The following ITSN2 variants were observed in gnomAD, a reference collection of about 807,000 sequenced individuals.
ITSN2 encodes the protein intersectin 2, also known as intersectin-2.
ITSN2 carries 156 observed loss-of-function variants against 243.7 expected under a neutral mutation model. The ratio of observed to expected loss-of-function variants is 0.64; its 90% CI spans 0.56 to 0.73. The LOEUF (loss-of-function observed/expected upper bound fraction) is 0.73. ITSN2 is among the 30% of genes least tolerant of loss of function. ITSN2 has a pLI of 0.00. For missense variants in ITSN2, 1,801 were observed against 1,996.1 expected (o/e 0.90, Z 1.86); for synonymous variants, 703 against 699.9 (o/e 1.00, Z -0.07).
At chr2:24,331,759 C>A (rs1349193469) in intron 1 of ITSN2, among the ~76,000 whole-genome samples, 1 of 152,196 alleles carries the variant, frequency 6.6e-6, no homozygotes, top group Non-Finnish European at 1.5e-5. Context: ...CGGCACCTGT[C>A]AAAAGAGCAG....
intron 8 of ITSN2, among the ~76,000 whole-genome samples, chr2:24,307,949 T>C (rs1314342553): frequency 6.6e-6 from 1 of 152,242 alleles, no homozygotes; most frequent in Admixed American, 6.5e-5. Flanking sequence ...TCTATGTTCC[T>C]TAGCACTTAA....
rs779165909 is a variant in ITSN2 at position 24,205,268 on chromosome 2, G to A, written c.4708C>T (p.Arg1570Cys). Residue 1570 changes from arginine to cysteine, a missense_variant, in exon 38 of 40, where the codon CGC becomes TGC. Physicochemically the swap from Arg to Cys is radical, Grantham distance 180. Around this residue, in one of 5 missense-constraint regions of ITSN2, gnomAD observed 928 missense variants for 1,065.4 expected, o/e 0.87. Coordinates refer to ENST00000355123, the MANE Select transcript of ITSN2 (RefSeq NM_006277.3). The part of the protein sequence containing the change: ...ARSQKTSGIG[R>C]LMVHVIEATE... The stretch of plus-strand genomic sequence containing the variant: ...GCTTCAATGACATGCACCATCAGGC[G>A]CCCAATGCCTGAAGTCTTTTGGGAG... 54 of 1,613,730 alleles carry A rather than the reference G, an allele frequency of 3.3e-5. No homozygotes were observed. Among genetic ancestry groups the A allele is most frequent in the East Asian group, 1.8e-4 (8 of 44,890 alleles).
chr2:24,312,467 T>C, intron 4 of ITSN2, 92 bp from the exon 5 acceptor site: 2 of 868,436 alleles, frequency 2.3e-6, no homozygotes, highest in Admixed American at 2.6e-5. Flanking sequence ...AAAATGATGA[T>C]ATGGCATTCA....
At chr2:24,302,229 A>G (rs573422962) in intron 9 of ITSN2, 127 bp from the exon 10 acceptor site, 1 of 465,262 alleles carries the variant, frequency 2.1e-6, no homozygotes, top group Non-Finnish European at 3.2e-6. Context: ...GATGGAGTCT[A>G]GCTCTGTCGC....
At chr2:24,259,214 C>T (rs543648958) in intron 22 of ITSN2, among the ~76,000 whole-genome samples, 3 of 152,314 alleles carry the variant, frequency 2.0e-5, no homozygotes, top group East Asian at 1.9e-4. Flanking sequence ...TGGTTGCTCA[C>T]GCTAAAGACT....
chr2:24,221,974 T>C (rs193121148), intron 29 of ITSN2, among the ~76,000 whole-genome samples: 366 of 152,218 alleles, frequency 2.4e-3, no homozygotes, highest in Non-Finnish European at 3.9e-3. Context: ...CAGCCGGGCA[T>C]GGTGGCTCAC....
intron 30 of ITSN2, among the ~76,000 whole-genome samples, chr2:24,219,179 T>G (rs1670226420): frequency 6.6e-6 from 1 of 152,208 alleles, no homozygotes; most frequent in South Asian, 2.1e-4. Context: ...AACCCCAGGT[T>G]TCAGCCTTAC....
chr2:24,240,179 G>T (rs1205798908), intron 29 of ITSN2: 2 of 152,046 alleles, frequency 1.3e-5, no homozygotes. Context: ...CTACCCCGAG[G>T]GTTTAAAAAT....
intron 27 of ITSN2, 87 bp from the exon 28 acceptor site, chr2:24,246,980 A>G (rs1255208176): frequency 1.1e-6 from 1 of 889,680 alleles, no homozygotes; most frequent in African/African-American, 1.7e-5. Flanking sequence ...AAAAACCATA[A>G]ATGTGTAGTA....
intron 23 of ITSN2, among the ~76,000 whole-genome samples, chr2:24,257,493 G>A (rs1288711272): frequency 6.6e-6 from 1 of 150,806 alleles, no homozygotes; most frequent in Non-Finnish European, 1.5e-5. Context: ...GTATCACTCT[G>A]TCACCCAGGC....
At chr2:24,322,391 G>A in intron 2 of ITSN2, among the ~76,000 whole-genome samples, 1 of 152,136 alleles carries the variant, frequency 6.6e-6, no homozygotes, top group Non-Finnish European at 1.5e-5. Context: ...TTAATTAAGA[G>A]TCTTAAACTA....
At chr2:24,241,573 C>T (rs1195789315) in intron 29 of ITSN2, 1 of 152,550 alleles carries the variant, frequency 6.6e-6, no homozygotes, top group Non-Finnish European at 1.5e-5. Context: ...TATTCCCATC[C>T]CAAATACACA....
intron 1 of ITSN2, among the ~76,000 whole-genome samples, chr2:24,329,804 C>T (rs966626919): frequency 1.3e-5 from 2 of 152,156 alleles, no homozygotes; most frequent in African/African-American, 4.8e-5. Flanking sequence ...GTAGTACATA[C>T]ATCGTGGTCA....
At chr2:24,262,001 A>G (rs927857678) in intron 20 of ITSN2, among the ~76,000 whole-genome samples, 1 of 152,150 alleles carries the variant, frequency 6.6e-6, no homozygotes, top group Non-Finnish European at 1.5e-5. Flanking sequence ...ATGAGGGAAA[A>G]CAATCCTCCC....
At chr2:24,217,585 C>T (rs181307484) in intron 31 of ITSN2, among the ~76,000 whole-genome samples, 5 of 152,286 alleles carry the variant, frequency 3.3e-5, no homozygotes, top group East Asian at 3.9e-4. Flanking sequence ...TTATCTGCGC[C>T]GTGAGCTGCA....
At chr2:24,315,080 G>T in intron 3 of ITSN2, 52 bp downstream of exon 3, 1 of 833,776 alleles carries the variant, frequency 1.2e-6, no homozygotes, top group Non-Finnish European at 1.9e-6. Context: ...CTAATTCTTA[G>T]ATATCACATA....
intron 2 of ITSN2, among the ~76,000 whole-genome samples, chr2:24,325,052 CT>C (rs1175234501): frequency 1.3e-5 from 2 of 151,854 alleles, no homozygotes; most frequent in African/African-American, 4.8e-5. Flanking sequence ...TTCAAATAAC[CT>C]TTTAAAAAAT....
At chr2:24,220,800 A>G in intron 30 of ITSN2, 145 bp downstream of exon 30, 3 of 1,433,606 alleles carry the variant, frequency 2.1e-6, no homozygotes, top group Non-Finnish European at 2.7e-6. Context: ...AGGATGTGAG[A>G]GCTTCCGTCA....
chr2:24,345,122 T>TA (rs912737620), intron 1 of ITSN2, among the ~76,000 whole-genome samples: 3 of 152,162 alleles, frequency 2.0e-5, no homozygotes, highest in African/African-American at 7.2e-5. Flanking sequence ...ATTATACACT[T>TA]AGAGTACTTC....
Sources: allele counts gnomAD v4.1 joint callset (sites outside exome capture counted in the v4.1 genomes callset), GRCh38; gene constraint gnomAD v4.1.1; regional missense constraint gnomAD v4.1.1; transcripts MANE v1.5; gene names NCBI Gene and HGNC (gene_info 2026-07-23, HGNC 2026-07-21).